The following IQSEC1 variants were observed in gnomAD, a reference collection of about 807,000 sequenced individuals.
IQSEC1 encodes the protein IQ motif and Sec7 domain ArfGEF 1.
Under a neutral mutation model 91.0 loss-of-function variants are expected in IQSEC1, and 31 were observed. The observed-to-expected ratio is 0.34, with a 90% CI of 0.26 to 0.46. IQSEC1 has a LOEUF of 0.46. Among genes scored for constraint, IQSEC1 ranks in the 20% least tolerant of loss-of-function variants. The probability of loss-of-function intolerance (pLI) is 1.00; values close to 1 mark genes in which losing one functional copy is unlikely to be tolerated. For missense variants in IQSEC1, 1,388 were observed against 1,575.6 expected, an observed-to-expected ratio of 0.88 and a Z score of 2.02; for synonymous variants, 699 against 662.6, an observed-to-expected ratio of 1.05 and a Z score of -0.84.
intron 1 of IQSEC1, among the ~76,000 whole-genome samples, chr3:13,026,863 A>G (rs866944146): frequency 5.2e-4 from 29 of 56,008 alleles, no homozygotes; most frequent in African/African-American, 1.6e-3. Context: ...TTATCTCCCC[A>G]GTTTTTTTTT....
At chr3:13,262,032 C>T (rs1300366122) in intron 1 of IQSEC1, among the ~76,000 whole-genome samples, 3 of 152,226 alleles carry the variant, frequency 2.0e-5, no homozygotes, top group Non-Finnish European at 2.9e-5. Context: ...CTGCTGTAAA[C>T]TCAGGCAACA....
chr3:13,077,676 C>T (rs1705584018), upstream of IQSEC1, among the ~76,000 whole-genome samples: 1 of 152,198 alleles, frequency 6.6e-6, no homozygotes, highest in African/African-American at 2.4e-5. Flanking sequence ...CCCAGCCCCA[C>T]CCCTCACGTG....
In IQSEC1 at chr3:13,097,552, G is replaced by A. The variant is rs143888439; in HGVS notation, c.303-50030C>T. On this transcript the variant is annotated intron_variant, in intron 2 of 15. Transcript: ENST00000648114. ...GTCTTTCCATCTGTGAACCGGGGCT[G>A]GGCCCCTCAGCTCTGCAGCCGCCAG... Among the ~76,000 whole-genome samples the A allele has an allele frequency of 3.1e-3, 467 of 152,284 alleles. 3 individuals are homozygous for A. The highest frequency in any genetic ancestry group is 0.011 in the African/African-American group (452 of 41,572).
intron 1 of IQSEC1, among the ~76,000 whole-genome samples, chr3:13,002,547 C>CA (rs57241537): frequency 0.01 from 1,081 of 107,176 alleles, 13 homozygotes; most frequent in South Asian, 0.027. Context: ...ACCTGATCTC[C>CA]AAAAAAAAAA....
At chr3:13,028,298 T>C (rs969209191) in intron 1 of IQSEC1, among the ~76,000 whole-genome samples, 2 of 152,228 alleles carry the variant, frequency 1.3e-5, no homozygotes, top group Admixed American at 6.5e-5. Flanking sequence ...ATAAGGGACA[T>C]GACCTGCCAG....
chr3:13,268,720 G>T (rs752797487), intron 1 of IQSEC1, among the ~76,000 whole-genome samples: 7 of 152,198 alleles, frequency 4.6e-5, no homozygotes, highest in Non-Finnish European at 1.0e-4. Flanking sequence ...GCCCCTAGGG[G>T]TGTGTGCATT....
At chr3:13,052,413 G>A (rs1225100393) in intron 1 of IQSEC1, among the ~76,000 whole-genome samples, 2 of 152,344 alleles carry the variant, frequency 1.3e-5, no homozygotes, top group East Asian at 1.9e-4. Context: ...GCTCCCCGGC[G>A]TGGCTGGGAC....
In IQSEC1 at chr3:13,259,811, C is replaced by T. The variant is rs141500441; in HGVS notation, c.272+22900G>A. ...GATGCAAGCCATGCAGCCAATGCCA[C>T]CCAAGAAAAGGTCAACGGGGCTTGC... On this transcript the variant is annotated intron_variant, in intron 1 of 15. Coordinates refer to the IQSEC1 transcript ENST00000648114. The surrounding 1 kb of genome is among the most constrained non-coding windows in gnomAD (Gnocchi z 4.6). Among the ~76,000 whole-genome samples, 9 of 152,350 alleles carry T rather than the reference C, an allele frequency of 5.9e-5. No individual in the cohort carries two copies. Among genetic ancestry groups the T allele is most frequent in the African/African-American group, 2.2e-4 (9 of 41,580 alleles).
At chr3:13,146,621 T>C (rs1204224509) in intron 2 of IQSEC1, among the ~76,000 whole-genome samples, 2 of 152,134 alleles carry the variant, frequency 1.3e-5, no homozygotes, top group African/African-American at 4.8e-5. Context: ...AGGCGGATCA[T>C]TTAAGGCCAA....
rs184068226 is a variant in IQSEC1 at position 13,091,158 on chromosome 3, T to C, written c.303-43636A>G. Among the ~76,000 whole-genome samples the C allele has an allele frequency of 3.3e-5, 5 of 152,306 alleles. No homozygotes were observed. The East Asian group carries it at 9.7e-4, about 29-fold the overall frequency. On this transcript the variant is annotated intron_variant, in intron 2 of 15. Transcript: ENST00000648114. ...TGGACACTCTCTCAGGGAGGGCTCC[T>C]GCCCACCTCTGTCCTGCACTCCCTA...
In IQSEC1 at chr3:13,103,756, C is replaced by A. The variant is rs1476515648; in HGVS notation, c.303-56234G>T. On this transcript the variant is annotated intron_variant, in intron 2 of 15. Coordinates refer to the IQSEC1 transcript ENST00000648114. This position sits in a 1 kb window ranked among gnomAD's most constrained non-coding sequence, Gnocchi z 4.1. ...GTGCGCCTCCTACCCCTGGGAGCTC[C>A]CCGGTATTCCATGTTGCCTACCACC... Among the ~76,000 whole-genome samples, 3 of 152,116 alleles carry A rather than the reference C, an allele frequency of 2.0e-5. No individual in the cohort carries two copies. The highest frequency in any genetic ancestry group is 2.0e-4 in the Admixed American group (3 of 15,290).
Position 13,234,940 on chromosome 3 carries a change from C to T in IQSEC1, c.272+47771G>A, listed in dbSNP as rs1259979964. 5.3e-5 allele frequency among the ~76,000 whole-genome samples: 8 copies of T among 152,152 alleles called. No homozygotes were observed. The East Asian group carries it at 9.6e-4, about 18-fold the overall frequency. On this transcript the variant is annotated intron_variant, in intron 1 of 15. Coordinates refer to the IQSEC1 transcript ENST00000648114. The stretch of plus-strand genomic sequence containing the variant: ...ATTTGAGTTTGCCGGCAGTCAGCCA[C>T]GAGGTGTGGGTGATTGCTGAGGCCC...
chr3:13,209,288 A>C (rs1027974368), intron 1 of IQSEC1, among the ~76,000 whole-genome samples: 6 of 152,232 alleles, frequency 3.9e-5, no homozygotes, highest in Non-Finnish European at 8.8e-5. Flanking sequence ...GTCCAGTTGC[A>C]CTTGCTTGCT....
intron 1 of IQSEC1, among the ~76,000 whole-genome samples, chr3:13,265,679 G>A (rs1313683292): frequency 1.3e-5 from 2 of 152,030 alleles, no homozygotes; most frequent in African/African-American, 4.8e-5. Flanking sequence ...ATCCAAAGTG[G>A]CTGCCTAAGC....
intron 1 of IQSEC1, among the ~76,000 whole-genome samples, chr3:13,213,612 A>G (rs1185707127): frequency 3.9e-5 from 6 of 152,162 alleles, no homozygotes; most frequent in Non-Finnish European, 5.9e-5. Flanking sequence ...ACTTTGAGCC[A>G]TGTTTTTAGT....
At chr3:12,926,596 C>G (rs1272473925) in intron 3 of IQSEC1, among the ~76,000 whole-genome samples, 1 of 152,222 alleles carries the variant, frequency 6.6e-6, no homozygotes, top group Non-Finnish European at 1.5e-5. Context: ...ACACCTAGAA[C>G]CTGTGCTAGG....
At chr3:12,951,553 C>T (rs750133394) in intron 1 of IQSEC1, among the ~76,000 whole-genome samples, 4 of 152,224 alleles carry the variant, frequency 2.6e-5, no homozygotes, top group Admixed American at 6.5e-5. Context: ...GCCGGTCAGC[C>T]ATACCCACTT....
intron 1 of IQSEC1, among the ~76,000 whole-genome samples, chr3:13,197,190 AG>A (rs1694145513): frequency 6.6e-6 from 1 of 152,220 alleles, no homozygotes; most frequent in Admixed American, 6.5e-5. Context: ...ACGGAAGGTC[AG>A]GGATGCACAT....
At chr3:13,251,667 C>T (rs751924955) in intron 1 of IQSEC1, among the ~76,000 whole-genome samples, 1 of 152,228 alleles carries the variant, frequency 6.6e-6, no homozygotes, top group Non-Finnish European at 1.5e-5. Flanking sequence ...CTGACAAGGA[C>T]TGCACCATGC....
Sources: allele counts gnomAD v4.1 joint callset (sites outside exome capture counted in the v4.1 genomes callset), GRCh38; gene constraint gnomAD v4.1.1; non-coding constraint Gnocchi (gnomAD v3.1); transcripts MANE v1.5; gene names NCBI Gene and HGNC (gene_info 2026-07-23, HGNC 2026-07-21).